DHX15: variants seen among roughly 807,000 people sequenced by gnomAD.
The protein encoded by DHX15 is DEAH-box helicase 15, also known as ATP-dependent RNA helicase DHX15.
Under a neutral mutation model 94.4 loss-of-function variants are expected in DHX15, and 11 were observed. The observed-to-expected ratio is 0.12, with a 90% CI of 0.07 to 0.19. The LOEUF (loss-of-function observed/expected upper bound fraction) is 0.19, where lower values mean the gene tolerates loss of function less well. DHX15 is among the 10% of genes least tolerant of loss of function. The pLI is 1.00. For missense variants in DHX15, 304 were observed against 988.5 expected (o/e 0.31, Z 9.29); for synonymous variants, 338 against 329.9 (o/e 1.02, Z -0.27).
chr4:24,572,956 G>T (rs1047082815), intron 2 of DHX15, among the ~76,000 whole-genome samples: 77 of 152,140 alleles, frequency 5.1e-4, no homozygotes, highest in African/African-American at 1.8e-3. Context: ...TGTTGCCCAG[G>T]CTGGAGTGCA....
chr4:24,550,289 TA>T (rs1169589621), intron 5 of DHX15, among the ~76,000 whole-genome samples: 7 of 151,808 alleles, frequency 4.6e-5, no homozygotes, highest in African/African-American at 1.7e-4. Flanking sequence ...ACAAAATTTA[TA>T]AAAAAATGTA....
rs375230147 is a variant in DHX15, at chr4:24,565,612, T to C, written c.701+5042A>G. On this transcript the variant is annotated intron_variant, in intron 3 of 13. Transcript: ENST00000336812. Reference sequence around the variant, plus strand: ...TGATTCATTCCGGTGACAAGTCACGTCAAGGTTTAAGTTTACATCCCCAAT... The same window carrying C: ...TGATTCATTCCGGTGACAAGTCACGCCAAGGTTTAAGTTTACATCCCCAAT... Among the ~76,000 whole-genome samples the C allele has an allele frequency of 3.7e-4, 57 of 152,364 alleles. No individual in the cohort carries two copies. In the South Asian group the frequency reaches 0.011, roughly 29 times the overall value.
intron 1 of DHX15, among the ~76,000 whole-genome samples, chr4:24,583,487 A>C (rs1722515840): frequency 6.6e-6 from 1 of 152,072 alleles, no homozygotes; most frequent in African/African-American, 2.4e-5. Context: ...AAAAAAAACA[A>C]TGCCTTCTAA....
rs1020300198 is a variant in DHX15, at chr4:24,548,264, T to A, written c.1248+591A>T. 2.0e-5 allele frequency among the ~76,000 whole-genome samples: 3 copies of A among 150,554 alleles called. No homozygotes were observed. In the East Asian group the frequency reaches 6.0e-4, roughly 30 times the overall value. On this transcript the variant is annotated intron_variant, in intron 6 of 13. Transcript: ENST00000336812. ...TTCAAGCGATTCTCCTGCCTCTGCC[T>A]CCTGAGTAGCTGGAATTACAGGCAC...
intron 6 of DHX15, among the ~76,000 whole-genome samples, chr4:24,544,276 A>G (rs1031231107): frequency 3.3e-5 from 5 of 152,218 alleles, no homozygotes; most frequent in Admixed American, 1.3e-4. Context: ...ATTTTACTTA[A>G]TATTAACACT....
At chr4:24,583,399 C>G (rs1722513088) in intron 1 of DHX15, among the ~76,000 whole-genome samples, 1 of 151,948 alleles carries the variant, frequency 6.6e-6, no homozygotes. Flanking sequence ...ACTAAAAACA[C>G]GTTTTGAACA....
chr4:24,553,893 C>T (rs1721664116), intron 5 of DHX15, among the ~76,000 whole-genome samples: 1 of 152,064 alleles, frequency 6.6e-6, no homozygotes, highest in African/African-American at 2.4e-5. Flanking sequence ...CCACAGCACA[C>T]CTATAAACAC....
chr4:24,530,816 A>C (rs1721068662), intron 12 of DHX15: 1 of 152,236 alleles, frequency 6.6e-6, no homozygotes, highest in African/African-American at 2.4e-5. Context: ...GAGCATGAAT[A>C]ATAGAAAAGA....
intron 3 of DHX15, among the ~76,000 whole-genome samples, chr4:24,568,451 A>G (rs1722044616): frequency 6.6e-6 from 1 of 152,208 alleles, no homozygotes; most frequent in Non-Finnish European, 1.5e-5. Flanking sequence ...AGCTTTTACA[A>G]GTAGTTATAA....
intron 1 of DHX15, 36 bp downstream of exon 1, chr4:24,584,287 C>T (rs773122062): frequency 6.3e-7 from 1 of 1,595,080 alleles, no homozygotes; most frequent in African/African-American, 1.3e-5. Context: ...CCCAACAAAG[C>T]CCGAGCTGCC....
intron 2 of DHX15, among the ~76,000 whole-genome samples, chr4:24,574,482 T>A (rs545082364): frequency 2.7e-5 from 4 of 150,570 alleles, no homozygotes; most frequent in Non-Finnish European, 5.9e-5. Flanking sequence ...AACCTCATCT[T>A]GAGTTGACCT....
chr4:24,581,880 A>G (rs1282823024), intron 1 of DHX15, among the ~76,000 whole-genome samples: 1 of 152,198 alleles, frequency 6.6e-6, no homozygotes, highest in African/African-American at 2.4e-5. Flanking sequence ...AACCTATAAT[A>G]ACTTCACCTG....
intron 11 of DHX15, chr4:24,533,595 C>A: frequency 1.3e-5 from 2 of 156,692 alleles, no homozygotes; most frequent in Admixed American, 6.1e-5. Context: ...CCCGAAACCT[C>A]CACTCATGTT....
intron 3 of DHX15, among the ~76,000 whole-genome samples, chr4:24,556,677 A>T (rs1278062757): frequency 1.3e-5 from 2 of 152,226 alleles, no homozygotes; most frequent in Non-Finnish European, 2.9e-5. Flanking sequence ...CCAATTATGG[A>T]ACATAATGAT....
At chr4:24,532,428 T>C (rs899827997) in intron 12 of DHX15, among the ~76,000 whole-genome samples, 9 of 152,204 alleles carry the variant, frequency 5.9e-5, no homozygotes, top group Non-Finnish European at 8.8e-5. Context: ...CTGTATGTAC[T>C]TTTGGATCCG....
At chr4:24,573,204 C>A (rs1431387670) in intron 2 of DHX15, among the ~76,000 whole-genome samples, 1 of 152,234 alleles carries the variant, frequency 6.6e-6, no homozygotes, top group Non-Finnish European at 1.5e-5. Flanking sequence ...GGCCACTGTA[C>A]CCAGCCAGGT....
chr4:24,535,167 T>C (rs999912224), intron 11 of DHX15, among the ~76,000 whole-genome samples: 2 of 152,154 alleles, frequency 1.3e-5, no homozygotes, highest in African/African-American at 2.4e-5. Context: ...GGGCAAACAA[T>C]AGACTTGAAC....
At chr4:24,576,200 T>C in intron 2 of DHX15, 43 bp downstream of exon 2, 4 of 1,515,968 alleles carry the variant, frequency 2.6e-6, no homozygotes, top group Non-Finnish European at 3.6e-6. Flanking sequence ...TTTGGTAAAC[T>C]TAAACATAAA....
chr4:24,583,359 C>T (rs760391338), intron 1 of DHX15, among the ~76,000 whole-genome samples: 2 of 152,170 alleles, frequency 1.3e-5, no homozygotes, highest in Non-Finnish European at 2.9e-5. Context: ...CAACTCTCAA[C>T]CTCCACATGG....
Sources: allele counts gnomAD v4.1 joint callset (sites outside exome capture counted in the v4.1 genomes callset), GRCh38; gene constraint gnomAD v4.1.1; transcripts MANE v1.5; gene names NCBI Gene and HGNC (gene_info 2026-07-23, HGNC 2026-07-21).